The following TRIM49B variants were observed in gnomAD, a reference collection of about 807,000 sequenced individuals.
The protein encoded by TRIM49B is tripartite motif containing 49B.
A neutral mutation model predicts 31.8 loss-of-function variants in TRIM49B; 18 were observed. That is an observed-to-expected ratio of 0.57 (90% CI 0.39 to 0.84). The LOEUF is 0.84. Ranked by LOEUF, TRIM49B falls within the 40% of genes least tolerant of loss-of-function variation. The pLI, the probability that TRIM49B is intolerant of heterozygous loss-of-function variation, is 0.00. For missense variants in TRIM49B, 494 were observed against 538.7 expected (o/e 0.92, Z 0.82); for synonymous variants, 196 against 180.6 (o/e 1.09, Z -0.68).
At position 49,031,585 on chromosome 11, in the gene TRIM49B, T is replaced by C. The variant is rs1383618417; in HGVS notation, c.-4-11T>C. The C allele has an allele frequency of 6.2e-7, 1 of 1,612,788 alleles. No individual in the cohort carries two copies. Among genetic ancestry groups the C allele is most frequent in the Non-Finnish European group, 8.5e-7 (1 of 1,179,624 alleles). On this transcript the variant is annotated splice_polypyrimidine_tract_variant and intron_variant, in intron 1 of 6. Coordinates refer to ENST00000332682, the MANE Select transcript of TRIM49B (RefSeq NM_001206626.2). Reference sequence around the variant, plus strand: ...AGGCCCCAAAATGACATGTTTCTCTTTGTTCCTCAGAAACATGAATTCTGG... The same window carrying C: ...AGGCCCCAAAATGACATGTTTCTCTCTGTTCCTCAGAAACATGAATTCTGG...
At position 49,037,975 on chromosome 11, in the gene TRIM49B, T is replaced by C. The variant is rs755733828; in HGVS notation, c.1357T>C (p.Ter453ArgextTer31). The C allele has an allele frequency of 1.2e-6, 2 of 1,607,448 alleles. No individual in the cohort carries two copies. Among genetic ancestry groups the C allele is most frequent in the Non-Finnish European group, 1.7e-6 (2 of 1,177,638 alleles). Residue 453 changes from the stop codon to arginine, a stop_lost, in exon 7 of 7, where the codon TGA becomes CGA. Coordinates refer to ENST00000332682, the MANE Select transcript of TRIM49B (RefSeq NM_001206626.2). Reference protein sequence around the residue: ...LRPIFCCIHF* With the variant: ...LRPIFCCIHFR ...GCCTATCTTTTGCTGTATTCACTTC[T>C]GACCAGAGACAAATCAGAAATGTGT...
Position 49,035,339 on chromosome 11 carries a change from A to ATTTTTTTTTTTTTTTTTTTTTTTT in TRIM49B, c.761+237_761+260dup, listed in dbSNP as rs1162056301. Reference sequence around the variant, plus strand: ...ACTAAAACAAACAATTTGATTCCTGATTTTTTTTTTTTTTTTTTTTTTTTT... The same window carrying ATTTTTTTTTTTTTTTTTTTTTTTT: ...ACTAAAACAAACAATTTGATTCCTGATTTTTTTTTTTTTTTTTTTTTTTTTTTTTTTTTTTTTTTTTTTTTTTTT... On this transcript the variant is annotated intron_variant, in intron 5 of 6. Transcript: ENST00000332682. Among the ~76,000 whole-genome samples, 7 of 56,810 alleles carry ATTTTTTTTTTTTTTTTTTTTTTTT rather than the reference A, an allele frequency of 1.2e-4. 1 individual carries two copies. Among genetic ancestry groups the ATTTTTTTTTTTTTTTTTTTTTTTT allele is most frequent in the Admixed American group, 8.3e-4 (3 of 3,610 alleles). The allele number at this position is 56,810 out of a possible 152,430, so 37.3% of individuals were successfully genotyped here.
intron 1 of TRIM49B, among the ~76,000 whole-genome samples, chr11:49,031,213 A>T (rs1854440926): frequency 6.6e-6 from 1 of 152,034 alleles, no homozygotes; most frequent in Non-Finnish European, 1.5e-5. Context: ...TGGCCCAGGT[A>T]GTTTTTTCCC....
rs763049074 is a variant in TRIM49B, at chr11:49,034,389, C to T, written c.738+13C>T. 2 of 1,611,918 alleles carry T rather than the reference C, an allele frequency of 1.2e-6. No individual in the cohort carries two copies. The highest frequency in any genetic ancestry group is 1.7e-6 in the Non-Finnish European group (2 of 1,179,812). On this transcript the variant is annotated intron_variant, in intron 4 of 6. Transcript: ENST00000332682. ...GGAGCTACTTCAGGTACAAACTCGC[C>T]ATGTGGTTTCAGGTTTTTGAATATT... is the stretch of plus-strand genomic sequence containing the variant.
rs537448460 is a variant in TRIM49B at position 49,029,362 on chromosome 11, G to C, written c.-5+387G>C. 1.6e-4 allele frequency among the ~76,000 whole-genome samples: 25 copies of C among 152,280 alleles called. 1 individual carries two copies. In the South Asian group the frequency reaches 5.0e-3, roughly 30 times the overall value. On this transcript the variant is annotated intron_variant, in intron 1 of 6. Transcript: ENST00000332682. ...TTCATAACATTCAGGTTTTAGACTT[G>C]ACTTTAAATTAGTAAGGTAATGATG...
rs780854805 is a variant in TRIM49B at position 49,034,270 on chromosome 11, G to C, written c.632G>C (p.Arg211Pro). The C allele has an allele frequency of 1.9e-6, 3 of 1,611,914 alleles. No individual in the cohort carries two copies. The highest frequency in any genetic ancestry group is 1.7e-6 in the Non-Finnish European group (2 of 1,179,820). ...AAGAAGGGGAAAGATATTTTTCATC[G>C]ACTTCATTTAAGTAAAGCCAAAATG... ...LKKKGKDIFH[R>P]LHLSKAKMAH... Residue 211 changes from arginine (R) to proline (P), a missense_variant, in exon 4 of 7, where the codon CGA (arginine) becomes CCA (proline). This residue lies in a region of TRIM49B where 10 missense variants were observed against 24.5 expected (regional missense o/e 0.41). Transcript: ENST00000332682.
At chr11:49,029,170 A>G (rs888547657) in intron 1 of TRIM49B, among the ~76,000 whole-genome samples, 195 bp downstream of exon 1, 1 of 152,204 alleles carries the variant, frequency 6.6e-6, no homozygotes, top group African/African-American at 2.4e-5. Flanking sequence ...TATAGTTCTG[A>G]AAAACAAAAT....
At chr11:49,035,222 A>G in intron 5 of TRIM49B, 105 bp downstream of exon 5, 1 of 1,557,604 alleles carries the variant, frequency 6.4e-7, no homozygotes, top group Non-Finnish European at 8.7e-7. Context: ...AATAATTAAG[A>G]TATTGATACC....
rs1417944217 is a variant in TRIM49B, at chr11:49,035,184, T to A, written c.761+67T>A. On this transcript the variant is annotated intron_variant, in intron 5 of 6. Transcript: ENST00000332682. ...CCACGACTATCAAAGCAGGCTTTAT[T>A]AAAGTCATGGCATAAAGTCATGGCA... The A allele has an allele frequency of 6.2e-6, 10 of 1,603,188 alleles. No homozygotes were observed. In the African/African-American group the frequency reaches 8.1e-5, roughly 13 times the overall value.
At chr11:49,033,613 A>G (rs1274191695) in intron 3 of TRIM49B, among the ~76,000 whole-genome samples, 3 of 152,176 alleles carry the variant, frequency 2.0e-5, no homozygotes, top group Admixed American at 2.0e-4. Context: ...TATGTTTCAG[A>G]TTGGGATGAC....
chr11:49,030,948 C>G (rs576223295), intron 1 of TRIM49B, among the ~76,000 whole-genome samples: 1 of 150,474 alleles, frequency 6.6e-6, no homozygotes, highest in African/African-American at 2.4e-5. Flanking sequence ...TACTAGTGAA[C>G]CTTGATTGGT....
At chr11:49,035,225 T>TATTGGTTTCTTTAACTCCTCGGGGCACAG in intron 5 of TRIM49B, 108 bp downstream of exon 5, 1 of 1,552,338 alleles carries the variant, frequency 6.4e-7, no homozygotes, top group Non-Finnish European at 8.7e-7. Flanking sequence ...AATTAAGATA[T>TATTGGTTTCTTTAACTCCTCGGGGCACAG]TGATACCACT....
rs774285077 is a variant in TRIM49B, at chr11:49,037,920, C to T, written c.1302C>T (p.Ile434=). 46 of 1,613,364 alleles carry T rather than the reference C, an allele frequency of 2.9e-5. No homozygotes were observed. In the Middle Eastern group the frequency reaches 8.3e-4, roughly 29 times the overall value. The change falls in exon 7 of 7, where the codon ATC becomes ATT. Residue 434 remains isoleucine (I), a synonymous_variant. Coordinates refer to ENST00000332682, the MANE Select transcript of TRIM49B (RefSeq NM_001206626.2). ...ATCAAAGCTCCCTAATATACACCATCCCTAATTGCTCTTTCTCACCTCCTC... is the reference window on the plus strand; with the variant it reads ...ATCAAAGCTCCCTAATATACACCATTCCTAATTGCTCTTTCTCACCTCCTC... ...DVNQSSLIYT[I]PNCSFSPPLR...
chr11:49,035,995 G>A (rs1395964766), intron 5 of TRIM49B, among the ~76,000 whole-genome samples: 1 of 50,842 alleles, frequency 2.0e-5, no homozygotes, highest in Non-Finnish European at 4.5e-5. Context: ...AAGATGTCAG[G>A]GGAGTCTGCC....
chr11:49,032,100 T>C, intron 2 of TRIM49B, 90 bp downstream of exon 2: 1 of 1,607,140 alleles, frequency 6.2e-7, no homozygotes, highest in Non-Finnish European at 8.5e-7. Context: ...AAACAAACTC[T>C]GAGTCCCTTT....
At chr11:49,030,997 C>T (rs202199301) in intron 1 of TRIM49B, among the ~76,000 whole-genome samples, 2 of 147,150 alleles carry the variant, frequency 1.4e-5, no homozygotes, top group African/African-American at 2.5e-5. Flanking sequence ...GGTTGGTGGG[C>T]TTTTTTTTTT....
At chr11:49,030,365 A>G (rs1386990188) in intron 1 of TRIM49B, among the ~76,000 whole-genome samples, 4 of 152,072 alleles carry the variant, frequency 2.6e-5, no homozygotes, top group African/African-American at 9.7e-5. Flanking sequence ...AAAAACTAAA[A>G]ACACCTGACA....
intron 3 of TRIM49B, among the ~76,000 whole-genome samples, chr11:49,033,664 G>T (rs1390591056): frequency 6.6e-6 from 1 of 152,196 alleles, no homozygotes; most frequent in Non-Finnish European, 1.5e-5. Flanking sequence ...GGGAGACAAA[G>T]ATGGCCAAAT....
In TRIM49B at chr11:49,031,848, G is replaced by A. The variant is rs1854453068; in HGVS notation, c.249G>A (p.Trp83Ter). 2 of 1,613,762 alleles carry A rather than the reference G, an allele frequency of 1.2e-6. No homozygotes were observed. Among genetic ancestry groups the A allele is most frequent in the East Asian group, 2.2e-5 (1 of 44,878 alleles). ...CTCTTGCTAGAAAAGTCAGTCTCTG[G>A]CTATTCCTGAGCTCTGAGGAGCAAA... ...MASLARKVSL[W>*]LFLSSEEQMC... The change falls in exon 2 of 7, where the codon TGG (tryptophan) becomes TGA (stop). Residue 83 changes from tryptophan to a stop codon, truncating the protein, a stop_gained. Transcript: ENST00000332682. LOFTEE classifies it high-confidence loss of function.
Sources: gnomAD v4.1 joint callset for allele counts (sites outside exome capture counted in the v4.1 genomes callset) on GRCh38, gnomAD v4.1.1 for gene constraint, gnomAD v4.1.1 regional missense constraint, MANE v1.5 for transcripts, NCBI Gene and HGNC (gene_info 2026-07-23, HGNC 2026-07-21) for gene names.